EBF1: variants seen among roughly 807,000 people sequenced by gnomAD.
EBF1 encodes the protein transcription factor COE1.
In EBF1, 10 loss-of-function variants were observed where a neutral mutation model predicts 68.4. The observed-to-expected ratio is 0.15, with a 90% confidence interval of 0.09 to 0.25. The LOEUF is 0.25. EBF1 is among the 10% of genes least tolerant of loss of function. The pLI, the probability that EBF1 is intolerant of heterozygous loss-of-function variation, is 1.00. For synonymous variants in EBF1, 298 were observed against 299.8 expected (o/e 0.99, Z 0.06); for missense variants, 509 against 794.4 (o/e 0.64, Z 4.32).
At chr5:159,030,812 G>C (rs1046441625) in intron 6 of EBF1, among the ~76,000 whole-genome samples, 3 of 152,214 alleles carry the variant, frequency 2.0e-5, no homozygotes. Context: ...GACATGTTCA[G>C]AACAGGACTT....
chr5:158,896,939 A>G (rs542194828), intron 6 of EBF1, among the ~76,000 whole-genome samples: 119 of 152,212 alleles, frequency 7.8e-4, no homozygotes, highest in Middle Eastern at 6.8e-3. Context: ...CAGTTCTTAT[A>G]GCTAAATAGT....
chr5:158,783,353 C>A (rs1050384680), intron 9 of EBF1, among the ~76,000 whole-genome samples: 6 of 152,134 alleles, frequency 3.9e-5, no homozygotes, highest in Admixed American at 3.9e-4. Flanking sequence ...CGTATTTGCA[C>A]AGAAGAAAGG....
intron 6 of EBF1, among the ~76,000 whole-genome samples, chr5:159,064,138 A>ATGTATATATGCATATATGTGTG (rs1203841889): frequency 6.6e-6 from 1 of 152,166 alleles, no homozygotes; most frequent in Non-Finnish European, 1.5e-5. Flanking sequence ...AGTGTCACAT[A>ATGTATATATGCATATATGTGTG]TGTATATATG....
chr5:158,719,579 GCCT>G (rs1186194370), intron 11 of EBF1, among the ~76,000 whole-genome samples: 1 of 152,118 alleles, frequency 6.6e-6, no homozygotes, highest in African/African-American at 2.4e-5. Context: ...GCCACATCTA[GCCT>G]CCTAGAGTGA....
At chr5:159,031,839 A>G (rs1292890656) in intron 6 of EBF1, among the ~76,000 whole-genome samples, 1 of 152,190 alleles carries the variant, frequency 6.6e-6, no homozygotes, top group African/African-American at 2.4e-5. Context: ...AAACTTTTAA[A>G]ATTTGTAAAA....
Position 159,019,779 on chromosome 5 carries a change from T to C in EBF1, c.554+53617A>G, listed in dbSNP as rs181810011. ...CTTTCACGCCAGTGGCTCCATCCTT[T>C]GTTCTTAGCTTCTTCCTAAATTCTC... On this transcript the variant is annotated intron_variant, in intron 6 of 15. Transcript: ENST00000313708. Among the ~76,000 whole-genome samples, 1,363 of 152,264 alleles carry C rather than the reference T, an allele frequency of 9.0e-3. 9 individuals are homozygous for C. The highest frequency in any genetic ancestry group is 0.012 in the Non-Finnish European group (850 of 68,006).
At chr5:159,031,996 T>A (rs1013605067) in intron 6 of EBF1, among the ~76,000 whole-genome samples, 2 of 152,232 alleles carry the variant, frequency 1.3e-5, no homozygotes, top group African/African-American at 4.8e-5. Flanking sequence ...AATGTTGAAC[T>A]ATGTATTTCT....
At chr5:159,030,005 G>T (rs2127740064) in intron 6 of EBF1, among the ~76,000 whole-genome samples, 1 of 150,998 alleles carries the variant, frequency 6.6e-6, no homozygotes, top group Non-Finnish European at 1.5e-5. Flanking sequence ...AGTATTATTT[G>T]TAAATAATAG....
intron 6 of EBF1, among the ~76,000 whole-genome samples, chr5:159,029,435 G>C (rs1203009178): frequency 6.6e-6 from 1 of 152,124 alleles, no homozygotes; most frequent in Non-Finnish European, 1.5e-5. Context: ...AGTATTTTCT[G>C]CAAAGCCCTA....
chr5:158,951,903 G>A (rs1816083339), intron 6 of EBF1, among the ~76,000 whole-genome samples: 1 of 152,194 alleles, frequency 6.6e-6, no homozygotes, highest in African/African-American at 2.4e-5. Flanking sequence ...AGCTAAGCCA[G>A]TTCAACACTG....
At chr5:158,975,527 AAGAC>A (rs1327723261) in intron 6 of EBF1, among the ~76,000 whole-genome samples, 2 of 152,216 alleles carry the variant, frequency 1.3e-5, no homozygotes, top group South Asian at 2.1e-4. Context: ...AGTGAAATGA[AAGAC>A]AGAGAGAGGC....
chr5:158,823,125 T>C, intron 8 of EBF1, 51 bp downstream of exon 8: 1 of 1,612,584 alleles, frequency 6.2e-7, no homozygotes, highest in Non-Finnish European at 8.5e-7. Flanking sequence ...AGAAACCAAA[T>C]ATATTCACAG....
At chr5:159,079,845 C>T (rs1375797847) in intron 5 of EBF1, among the ~76,000 whole-genome samples, 4 of 151,950 alleles carry the variant, frequency 2.6e-5, no homozygotes, top group South Asian at 2.1e-4. Context: ...GAACTCTTGG[C>T]CTCAAGTGAT....
rs185771403 is a variant in EBF1, at chr5:158,773,797, G to A, written c.1036+3616C>T. ...CTTAGGGATTAGCAGGAGAGATCAC[G>A]ATTCGAAAAGATCCAAGCCACTTAA... On this transcript the variant is annotated intron_variant, in intron 10 of 15. Coordinates refer to ENST00000313708, the MANE Select transcript of EBF1 (RefSeq NM_024007.5). 2.2e-3 allele frequency among the ~76,000 whole-genome samples: 335 copies of A among 152,200 alleles called. 4 individuals carry two copies. Among genetic ancestry groups the A allele is most frequent in the African/African-American group, 7.8e-3 (325 of 41,546 alleles).
rs146344851 is a variant in EBF1 at position 159,003,673 on chromosome 5, G to A, written c.554+69723C>T. Among the ~76,000 whole-genome samples the A allele has an allele frequency of 2.0e-3, 300 of 152,320 alleles. 1 individual carries two copies. Among genetic ancestry groups the A allele is most frequent in the African/African-American group, 6.2e-3 (259 of 41,574 alleles). On this transcript the variant is annotated intron_variant, in intron 6 of 15. Coordinates refer to ENST00000313708, the MANE Select transcript of EBF1 (RefSeq NM_024007.5). ...CAATATAGGCAGAGGGACTCAAAGC[G>A]TGACAACAGCTTACATTCATTGAGG...
At chr5:158,999,823 A>C (rs1353150109) in intron 6 of EBF1, among the ~76,000 whole-genome samples, 1 of 152,210 alleles carries the variant, frequency 6.6e-6, no homozygotes, top group South Asian at 2.1e-4. Context: ...ATAAGCATTA[A>C]AACTTTATTG....
At chr5:159,006,564 C>G (rs780968612) in intron 6 of EBF1, among the ~76,000 whole-genome samples, 1 of 141,048 alleles carries the variant, frequency 7.1e-6, no homozygotes, top group Non-Finnish European at 1.5e-5. Flanking sequence ...CGTGGGAATC[C>G]GTTTCAGGTA....
chr5:159,063,935 G>A (rs895482914), intron 6 of EBF1, among the ~76,000 whole-genome samples: 2 of 152,242 alleles, frequency 1.3e-5, no homozygotes, highest in Admixed American at 6.5e-5. Context: ...CTGAGGCTCA[G>A]CTACTAATAA....
intron 6 of EBF1, among the ~76,000 whole-genome samples, chr5:159,042,728 A>C (rs12054675): frequency 0.042 from 6,343 of 152,208 alleles, 613 homozygotes; most frequent in East Asian, 0.38. Context: ...AGTGTACCAT[A>C]GCCCTCCTAC....
Sources: gnomAD v4.1 joint callset for allele counts (sites outside exome capture counted in the v4.1 genomes callset) on GRCh38, gnomAD v4.1.1 for gene constraint, MANE v1.5 for transcripts, NCBI Gene and HGNC (gene_info 2026-07-23, HGNC 2026-07-21) for gene names.